SNAP91: variants seen among roughly 807,000 people sequenced by gnomAD.
The protein encoded by SNAP91 is clathrin coat assembly protein AP180.
A neutral mutation model predicts 100.3 loss-of-function variants in SNAP91; 27 were observed. That is an observed-to-expected ratio of 0.27 (90% CI 0.20 to 0.37). The LOEUF (loss-of-function observed/expected upper bound fraction) is 0.37. Ranked by LOEUF, SNAP91 falls within the 10% of genes least tolerant of loss-of-function variation. The probability of loss-of-function intolerance (pLI) is 1.00; values close to 1 mark genes in which losing one functional copy is unlikely to be tolerated. For synonymous variants in SNAP91, 404 were observed against 398.6 expected (o/e 1.01, Z -0.16); for missense variants, 986 against 1,123.7 (o/e 0.88, Z 1.75).
At chr6:83,617,598 A>G (rs939759862) in intron 9 of SNAP91, among the ~76,000 whole-genome samples, 1 of 151,408 alleles carries the variant, frequency 6.6e-6, no homozygotes, top group African/African-American at 2.4e-5. Context: ...CTATTTATAT[A>G]TAAAAATATA....
At chr6:83,623,378 T>C (rs1202218576) in intron 8 of SNAP91, 36 bp from the exon 9 acceptor site, 3 of 1,484,158 alleles carry the variant, frequency 2.0e-6, no homozygotes, top group Admixed American at 1.8e-5. Context: ...AGTAGAACTT[T>C]TAAAATTAAT....
Position 83,603,655 on chromosome 6 carries a change from T to A in SNAP91, c.1141+2030A>T, listed in dbSNP as rs577077287. ...TCTTAAAAAGAAGAAAAAAAAAAGG[T>A]ACTCCCTGTAGTGAGACAGATTAGA... is the stretch of plus-strand genomic sequence containing the variant. On this transcript the variant is annotated intron_variant, in intron 14 of 29. Transcript: ENST00000369694. 1.8e-4 allele frequency among the ~76,000 whole-genome samples: 28 copies of A among 151,614 alleles called. No individual in the cohort carries two copies. In the South Asian group the frequency reaches 5.8e-3, roughly 32 times the overall value.
chr6:83,682,931 T>TGGG (rs1271962183), intron 2 of SNAP91, among the ~76,000 whole-genome samples: 3 of 152,088 alleles, frequency 2.0e-5, no homozygotes, highest in South Asian at 4.1e-4. Context: ...ACTCAAGACT[T>TGGG]GGGACATCAT....
chr6:83,692,797 G>A (rs2099148166), intron 2 of SNAP91, among the ~76,000 whole-genome samples: 1 of 152,144 alleles, frequency 6.6e-6, no homozygotes, highest in Non-Finnish European at 1.5e-5. Context: ...CTCAAGGACA[G>A]TCATTTGAAC....
intron 16 of SNAP91, among the ~76,000 whole-genome samples, chr6:83,596,706 C>A (rs2094508293): frequency 6.6e-6 from 1 of 151,982 alleles, no homozygotes; most frequent in South Asian, 2.1e-4. Flanking sequence ...TGTATACACA[C>A]TTCAAAACAT....
chr6:83,574,899 G>T, intron 26 of SNAP91, 111 bp downstream of exon 26: 2 of 650,822 alleles, frequency 3.1e-6, no homozygotes, highest in Non-Finnish European at 5.3e-6. Context: ...TTTCTTCAAT[G>T]CAGAGGAATA....
At chr6:83,632,627 C>T (rs886870048) in intron 8 of SNAP91, among the ~76,000 whole-genome samples, 2 of 152,178 alleles carry the variant, frequency 1.3e-5, no homozygotes, top group African/African-American at 4.8e-5. Context: ...AATTTGAAGA[C>T]CTTGTCTTTG....
intron 4 of SNAP91, 89 bp downstream of exon 4, chr6:83,662,258 A>G (rs1209371222): frequency 4.5e-6 from 2 of 443,046 alleles, no homozygotes; most frequent in African/African-American, 4.1e-5. Flanking sequence ...ATATTCAATG[A>G]AGCTATCAGT....
intron 1 of SNAP91, 58 bp from the exon 2 acceptor site, chr6:83,708,015 A>C (rs1588448148): frequency 1.4e-6 from 2 of 1,407,216 alleles, no homozygotes; most frequent in Non-Finnish European, 1.8e-6. Context: ...CCCTCCAAGC[A>C]CCCAGGCCTT....
chr6:83,605,911 C>A, intron 13 of SNAP91, 108 bp from the exon 14 acceptor site: 1 of 957,498 alleles, frequency 1.0e-6, no homozygotes, highest in Non-Finnish European at 1.5e-6. Context: ...TATTTTAAAT[C>A]CAATAAAAGA....
chr6:83,588,294 A>C (rs2093141695), intron 22 of SNAP91, among the ~76,000 whole-genome samples: 1 of 152,240 alleles, frequency 6.6e-6, no homozygotes, highest in Non-Finnish European at 1.5e-5. Flanking sequence ...AATAGAAAAG[A>C]GAGAAATAAG....
intron 2 of SNAP91, among the ~76,000 whole-genome samples, chr6:83,670,378 T>C (rs1279923591): frequency 6.6e-6 from 1 of 151,840 alleles, no homozygotes; most frequent in Non-Finnish European, 1.5e-5. Context: ...GCCATTGGTA[T>C]ACATTCTTTT....
At chr6:83,695,180 G>A (rs1452544442) in intron 2 of SNAP91, among the ~76,000 whole-genome samples, 1 of 146,470 alleles carries the variant, frequency 6.8e-6, no homozygotes, top group Non-Finnish European at 1.5e-5. Flanking sequence ...GGGAGGCTGA[G>A]AGAGGAGAAT....
intron 2 of SNAP91, chr6:83,686,243 A>G: frequency 1.0e-6 from 1 of 961,844 alleles, no homozygotes; most frequent in Non-Finnish European, 1.2e-6. Flanking sequence ...ATACGAAATT[A>G]GATGAACCCT....
chr6:83,567,203 A>T (rs959316082), intron 26 of SNAP91, among the ~76,000 whole-genome samples: 2 of 152,180 alleles, frequency 1.3e-5, no homozygotes, highest in Non-Finnish European at 2.9e-5. Context: ...TTCTGGGAGT[A>T]TATGGGTGAG....
chr6:83,619,731 A>T (rs530947817), intron 9 of SNAP91, among the ~76,000 whole-genome samples: 39 of 152,320 alleles, frequency 2.6e-4, no homozygotes, highest in Middle Eastern at 3.4e-3. Context: ...AAATGAAGAT[A>T]TTTACATTTG....
chr6:83,658,471 T>A (rs775375803), intron 6 of SNAP91, among the ~76,000 whole-genome samples: 2 of 152,018 alleles, frequency 1.3e-5, no homozygotes, highest in African/African-American at 4.8e-5. Flanking sequence ...TGGCCGGGCA[T>A]GGTGGCGGGC....
chr6:83,699,308 G>C (rs532625101), intron 2 of SNAP91, among the ~76,000 whole-genome samples: 2 of 152,122 alleles, frequency 1.3e-5, no homozygotes, highest in Non-Finnish European at 1.5e-5. Context: ...AGAAATAAAA[G>C]AGGAACTCAA....
intron 8 of SNAP91, among the ~76,000 whole-genome samples, chr6:83,626,708 AT>A (rs1253306530): frequency 1.3e-5 from 2 of 151,896 alleles, no homozygotes; most frequent in African/African-American, 4.8e-5. Flanking sequence ...TTGTAGGTAG[AT>A]TTTGTCCTGA....
Sources: allele counts gnomAD v4.1 joint callset (sites outside exome capture counted in the v4.1 genomes callset), GRCh38; gene constraint gnomAD v4.1.1; transcripts MANE v1.5; gene names NCBI Gene and HGNC (gene_info 2026-07-23, HGNC 2026-07-21).